Variants in IPO11 observed in about 807,000 individuals in gnomAD.
The protein encoded by IPO11 is importin 11.
In IPO11, 66 loss-of-function variants were observed where a neutral mutation model predicts 143.2. That is an observed-to-expected ratio of 0.46 (90% confidence interval 0.38 to 0.57). IPO11 has a LOEUF of 0.57. IPO11 is among the 20% of genes least tolerant of loss of function. The pLI, the probability that IPO11 is intolerant of heterozygous loss-of-function variation, is 0.00. For synonymous variants in IPO11, 385 were observed against 377.8 expected (o/e 1.02, Z -0.22); for missense variants, 1,026 against 1,141.0 (o/e 0.90, Z 1.45).
At chr5:62,584,476 G>A (rs1466387201) in intron 27 of IPO11, among the ~76,000 whole-genome samples, 1 of 151,938 alleles carries the variant, frequency 6.6e-6, no homozygotes, top group Non-Finnish European at 1.5e-5. Flanking sequence ...ATCTGGGTGT[G>A]GTGGCCTGTG....
At chr5:62,420,074 G>T (rs1181151790) in intron 1 of IPO11, among the ~76,000 whole-genome samples, 3 of 151,718 alleles carry the variant, frequency 2.0e-5, no homozygotes, top group Non-Finnish European at 4.4e-5. Flanking sequence ...GTGGATCACG[G>T]GGTCAGGAGA....
intron 27 of IPO11, among the ~76,000 whole-genome samples, chr5:62,581,994 T>C (rs1161480087): frequency 6.6e-6 from 1 of 152,138 alleles, no homozygotes. Flanking sequence ...CCTGCTGCTT[T>C]TCAGGAACTA....
chr5:62,613,337 T>G (rs1455858752), intron 29 of IPO11, among the ~76,000 whole-genome samples: 1 of 149,644 alleles, frequency 6.7e-6, no homozygotes, highest in African/African-American at 2.5e-5. Flanking sequence ...AGAATCTTAT[T>G]TTCTCACCCA....
At chr5:62,582,446 A>G (rs149054930) in intron 27 of IPO11, among the ~76,000 whole-genome samples, 2 of 152,336 alleles carry the variant, frequency 1.3e-5, no homozygotes, top group African/African-American at 4.8e-5. Context: ...GTGGGGCAAA[A>G]TAATGAGTCA....
intron 16 of IPO11, among the ~76,000 whole-genome samples, chr5:62,497,531 G>A (rs1314143256): frequency 6.6e-6 from 1 of 152,010 alleles, no homozygotes; most frequent in African/African-American, 2.4e-5. Context: ...GCTATGGTGA[G>A]GTCACGACTC....
intron 1 of IPO11, among the ~76,000 whole-genome samples, chr5:62,420,217 G>A (rs534894609): frequency 1.0e-3 from 155 of 151,534 alleles, no homozygotes; most frequent in Middle Eastern, 3.4e-3. Flanking sequence ...CTTGAACCCG[G>A]GCGATGGAGG....
At chr5:62,453,330 A>G (rs537745945) in intron 5 of IPO11, among the ~76,000 whole-genome samples, 1 of 151,090 alleles carries the variant, frequency 6.6e-6, no homozygotes, top group East Asian at 1.9e-4. Context: ...TCTCTACTTC[A>G]CCATCCATGA....
intron 5 of IPO11, among the ~76,000 whole-genome samples, chr5:62,461,700 AT>A (rs1745363749): frequency 6.6e-6 from 1 of 152,210 alleles, no homozygotes; most frequent in Non-Finnish European, 1.5e-5. Context: ...CTCAAATGCT[AT>A]ATGCCTTCAT....
In IPO11 at chr5:62,470,294, A is replaced by G; in HGVS notation, c.694A>G (p.Asn232Asp). ...TAATGGATTTGTGGAACCTCATAAG[A>G]ATATGGAGGTGATGGTAAGTGATCG... ...TVNGFVEPHK[N>D]MEVMGFLHGI... The change falls in exon 7 of 30, where the codon AAT becomes GAT. Residue 232 changes from asparagine to aspartate, a missense_variant. Physicochemically the swap from Asn to Asp is conservative, Grantham distance 23. Transcript: ENST00000325324. 2 of 1,613,690 alleles carry G rather than the reference A, an allele frequency of 1.2e-6. No homozygotes were observed. Among genetic ancestry groups the G allele is most frequent in the Non-Finnish European group, 1.7e-6 (2 of 1,179,708 alleles).
chr5:62,483,388 T>A (rs1035814983), intron 10 of IPO11, 95 bp downstream of exon 10: 3 of 731,788 alleles, frequency 4.1e-6, no homozygotes, highest in African/African-American at 3.6e-5. Context: ...GTCATTTTAG[T>A]CTGAAAAATA....
intron 27 of IPO11, chr5:62,578,864 C>A (rs556462777): frequency 1.3e-5 from 4 of 306,434 alleles, no homozygotes; most frequent in African/African-American, 9.1e-5. Context: ...TAAGAAATGT[C>A]GTTCTTCAGA....
At chr5:62,429,179 T>C (rs937613715) in intron 1 of IPO11, among the ~76,000 whole-genome samples, 3 of 152,076 alleles carry the variant, frequency 2.0e-5, no homozygotes, top group African/African-American at 7.2e-5. Context: ...TCCCCCCAAT[T>C]CCCCAGCCTA....
In IPO11 at chr5:62,467,236, C is replaced by G; in HGVS notation, c.622C>G (p.Leu208Val). 1 of 1,613,928 alleles carries G rather than the reference C, an allele frequency of 6.2e-7. No homozygotes were observed. Residue 208 changes from leucine (L) to valine (V), a missense_variant, in exon 6 of 30, where the codon CTA (leucine) becomes GTA (valine). Leu to Val is a conservative substitution (Grantham distance 32). Transcript: ENST00000325324. ...SGNEAAILSS[L>V]ERTLLSLKVL... is the part of the protein sequence containing the mutation. ...CAATGAAGCTGCAATTTTGAGTTCA[C>G]TAGAACGAACACTGCTATCATTGAA...
intron 20 of IPO11, among the ~76,000 whole-genome samples, chr5:62,522,430 A>G (rs563117072): frequency 1.1e-4 from 17 of 152,156 alleles, no homozygotes; most frequent in African/African-American, 4.1e-4. Context: ...GACTACAGGC[A>G]TGCACCAACA....
At chr5:62,441,599 T>G (rs1163730124) in intron 2 of IPO11, among the ~76,000 whole-genome samples, 1 of 134,676 alleles carries the variant, frequency 7.4e-6, no homozygotes, top group Non-Finnish European at 1.5e-5. Flanking sequence ...CACTGCAACC[T>G]CCGCCTCCTG....
At chr5:62,528,091 CAG>C (rs1292102895) in intron 21 of IPO11, among the ~76,000 whole-genome samples, 1 of 152,146 alleles carries the variant, frequency 6.6e-6, no homozygotes, top group Non-Finnish European at 1.5e-5. Context: ...AAGAGAAGGA[CAG>C]AGAACATTCT....
chr5:62,452,758 G>GTA (rs1554048362), intron 5 of IPO11, among the ~76,000 whole-genome samples: 1,744 of 142,866 alleles, frequency 0.012, 123 homozygotes, highest in African/African-American at 0.038. Flanking sequence ...GTGTGTGTGT[G>GTA]TGCACGCATT....
At chr5:62,480,684 T>C (rs561018653) in intron 9 of IPO11, among the ~76,000 whole-genome samples, 1 of 152,268 alleles carries the variant, frequency 6.6e-6, no homozygotes, top group Non-Finnish European at 1.5e-5. Flanking sequence ...CTAGGTATTT[T>C]ATTCTCTTTG....
At chr5:62,458,775 C>G (rs1488286339) in intron 5 of IPO11, among the ~76,000 whole-genome samples, 1 of 152,108 alleles carries the variant, frequency 6.6e-6, no homozygotes, top group East Asian at 1.9e-4. Context: ...CTCAAGGTGA[C>G]AGACTTGGTT....
Sources: gnomAD v4.1 joint callset for allele counts (sites outside exome capture counted in the v4.1 genomes callset) on GRCh38, gnomAD v4.1.1 for gene constraint, MANE v1.5 for transcripts, NCBI Gene and HGNC (gene_info 2026-07-23, HGNC 2026-07-21) for gene names.